Variants in NECAB1 observed in about 807,000 individuals in gnomAD.
NECAB1 encodes N-terminal EF-hand calcium binding protein 1.
In NECAB1, 29 loss-of-function variants were observed where a neutral mutation model predicts 57.5. The observed-to-expected ratio is 0.50, with a 90% CI of 0.38 to 0.69. The LOEUF (loss-of-function observed/expected upper bound fraction) is 0.69, where lower values mean the gene tolerates loss of function less well. NECAB1 is among the 30% of genes least tolerant of loss of function. The pLI, the probability that NECAB1 is intolerant of heterozygous loss-of-function variation, is 0.00. For synonymous variants in NECAB1, 142 were observed against 147.7 expected, an observed-to-expected ratio of 0.96 and a Z score of 0.28; for missense variants, 372 against 413.8, an observed-to-expected ratio of 0.90 and a Z score of 0.88.
intron 4 of NECAB1, among the ~76,000 whole-genome samples, chr8:90,872,729 TTTA>T (rs1808642278): frequency 6.6e-6 from 1 of 152,156 alleles, no homozygotes; most frequent in South Asian, 2.1e-4. Flanking sequence ...ATTTTAAAAT[TTTA>T]TTATTTTATG....
intron 5 of NECAB1, among the ~76,000 whole-genome samples, chr8:90,906,889 A>ATATATATATATGTATATATATATG (rs1809677329): frequency 0.014 from 1,047 of 72,854 alleles, 46 homozygotes; most frequent in African/African-American, 0.058. Flanking sequence ...ATATATATAT[A>ATATATATATATGTATATATATATG]TATATATATA....
chr8:90,869,752 T>G (rs1265077655), intron 3 of NECAB1, among the ~76,000 whole-genome samples: 1 of 152,198 alleles, frequency 6.6e-6, no homozygotes. Flanking sequence ...ACTTGCCTTG[T>G]CTCAGATGAG....
At chr8:90,846,279 T>G (rs1312691132) in intron 3 of NECAB1, among the ~76,000 whole-genome samples, 1 of 152,242 alleles carries the variant, frequency 6.6e-6, no homozygotes, top group Non-Finnish European at 1.5e-5. Context: ...CCTAGGCTTC[T>G]TATAACAAAA....
At chr8:90,879,017 TAATA>T (rs1168549864) in intron 4 of NECAB1, among the ~76,000 whole-genome samples, 2 of 143,204 alleles carry the variant, frequency 1.4e-5, no homozygotes, top group Non-Finnish European at 3.0e-5. Flanking sequence ...ATATTATATA[TAATA>T]TATATTATAT....
At chr8:90,926,704 A>C (rs909691256) in intron 7 of NECAB1, among the ~76,000 whole-genome samples, 4 of 152,078 alleles carry the variant, frequency 2.6e-5, no homozygotes, top group African/African-American at 9.7e-5. Context: ...TTCTTCTCCT[A>C]GTGGGTGTCA....
chr8:90,923,210 G>A (rs146839394), intron 6 of NECAB1, among the ~76,000 whole-genome samples: 96 of 152,228 alleles, frequency 6.3e-4, no homozygotes, highest in Middle Eastern at 3.4e-3. Context: ...GCTCCTACCC[G>A]ATCCTTGAAG....
intron 2 of NECAB1, among the ~76,000 whole-genome samples, chr8:90,813,569 C>T (rs1157601322): frequency 6.6e-6 from 1 of 152,012 alleles, no homozygotes; most frequent in Non-Finnish European, 1.5e-5. Flanking sequence ...CTCTGTCACC[C>T]AGGCTGGAGT....
chr8:90,862,806 T>TTCCCTTATTTTCCCATCTCCAACTCA (rs6150701), intron 3 of NECAB1, among the ~76,000 whole-genome samples: 61,610 of 150,222 alleles, frequency 0.41, 14,403 homozygotes, highest in East Asian at 0.77. Context: ...TACAAAGTAT[T>TTCCCTTATTTTCCCATCTCCAACTCA]TCCCTTATTT....
intron 3 of NECAB1, among the ~76,000 whole-genome samples, chr8:90,836,190 G>A (rs1387605340): frequency 6.6e-6 from 1 of 151,944 alleles, no homozygotes; most frequent in African/African-American, 2.4e-5. Context: ...TATAATTATT[G>A]GATCTTCGTT....
intron 10 of NECAB1, among the ~76,000 whole-genome samples, chr8:90,945,996 G>A (rs1237795931): frequency 6.6e-6 from 1 of 152,270 alleles, no homozygotes. Context: ...ACAAATAATC[G>A]AAAGCTAATC....
At chr8:90,822,866 AT>A (rs5893135) in intron 2 of NECAB1, among the ~76,000 whole-genome samples, 5,935 of 147,536 alleles carry the variant, frequency 0.04, 353 homozygotes, top group African/African-American at 0.13. Context: ...TTTTTTCTTT[AT>A]TTTTTTTTTT....
intron 4 of NECAB1, among the ~76,000 whole-genome samples, chr8:90,879,232 AGGCT>A: frequency 7.0e-6 from 1 of 142,478 alleles, no homozygotes. Context: ...TCTGTAGCCC[AGGCT>A]GGAGTGCAGT....
At position 90,957,448 on chromosome 8, in the gene NECAB1, A is replaced by G. The variant is rs552410759; in HGVS notation, c.*1936A>G. On this transcript the variant is annotated 3_prime_UTR_variant, in exon 13 of 13. Coordinates refer to ENST00000417640, the MANE Select transcript of NECAB1 (RefSeq NM_022351.5). The stretch of plus-strand genomic sequence containing the variant: ...GGATCTGCAGATTCCAAACTGGAAT[A>G]AGCTCTATCATATTCTGAAACAAGA... The G allele has an allele frequency of 6.6e-6, 1 of 151,996 alleles. No homozygotes were observed. Among genetic ancestry groups the G allele is most frequent in the Non-Finnish European group, 1.5e-5 (1 of 67,846 alleles). The allele number at this position is 151,996 out of a possible 1,614,324, so 9.4% of individuals were successfully genotyped here.
chr8:90,923,167 G>A (rs1810170136), intron 6 of NECAB1, among the ~76,000 whole-genome samples: 1 of 152,160 alleles, frequency 6.6e-6, no homozygotes, highest in African/African-American at 2.4e-5. Context: ...CTGATATATT[G>A]TTGGAAGCTC....
chr8:90,939,875 T>C (rs918245128), intron 9 of NECAB1, among the ~76,000 whole-genome samples: 2 of 152,266 alleles, frequency 1.3e-5, no homozygotes, highest in African/African-American at 4.8e-5. Context: ...AATTCTCTCA[T>C]GCTACATAGC....
At chr8:90,909,542 T>C (rs1809776495) in intron 5 of NECAB1, among the ~76,000 whole-genome samples, 1 of 152,112 alleles carries the variant, frequency 6.6e-6, no homozygotes, top group Non-Finnish European at 1.5e-5. Context: ...TCGGGGACCG[T>C]TTATACTTAA....
At chr8:90,905,605 G>A (rs2130049088) in intron 5 of NECAB1, among the ~76,000 whole-genome samples, 1 of 152,240 alleles carries the variant, frequency 6.6e-6, no homozygotes, top group East Asian at 1.9e-4. Flanking sequence ...TATTGCATCT[G>A]GGTGCTAATT....
chr8:90,948,529 G>A (rs951283999), intron 10 of NECAB1, among the ~76,000 whole-genome samples: 26 of 152,112 alleles, frequency 1.7e-4, no homozygotes, highest in African/African-American at 6.3e-4. Flanking sequence ...TAAGTTATGT[G>A]TTCTCTTACT....
At chr8:90,926,793 T>C (rs1460319543) in intron 7 of NECAB1, among the ~76,000 whole-genome samples, 1 of 152,178 alleles carries the variant, frequency 6.6e-6, no homozygotes, top group Admixed American at 6.5e-5. Context: ...TCTTGTCTGG[T>C]ACCTCTCCAT....
Sources: allele counts gnomAD v4.1 joint callset (sites outside exome capture counted in the v4.1 genomes callset), GRCh38; gene constraint gnomAD v4.1.1; transcripts MANE v1.5; gene names NCBI Gene and HGNC (gene_info 2026-07-23, HGNC 2026-07-21).